The following LOC112694756 variants were observed in gnomAD, a reference collection of about 807,000 sequenced individuals.
chr16:30,053,500 G>GT, the LOC112694756 span: 2 of 152,964 alleles, frequency 1.3e-5, no homozygotes, highest in Non-Finnish European at 2.9e-5. Context: ...CCCCATGGAC[G>GT]TAAGTCCGGG....
the LOC112694756 span, among the ~76,000 whole-genome samples, chr16:30,053,778 A>G: frequency 6.6e-6 from 1 of 152,204 alleles, no homozygotes; most frequent in Non-Finnish European, 1.5e-5. Flanking sequence ...GGGAGGCTGC[A>G]GCATTTGGGG....
the LOC112694756 span, chr16:30,063,755 C>T: frequency 5.0e-6 from 2 of 399,548 alleles, no homozygotes; most frequent in Non-Finnish European, 8.8e-6. Context: ...GCCCCCGCTG[C>T]TGCCCACTCT....
chr16:30,066,943 C>G, the LOC112694756 span: 3 of 1,550,968 alleles, frequency 1.9e-6, no homozygotes, highest in Non-Finnish European at 2.6e-6. Flanking sequence ...CATGACCCAC[C>G]TGTCCATGGC....
the LOC112694756 span, chr16:30,070,121 A>G: frequency 5.0e-6 from 8 of 1,614,022 alleles, no homozygotes; most frequent in Middle Eastern, 3.3e-4. Context: ...GCTTAGGCCA[A>G]CAGCCTTGCC....
chr16:30,069,712 A>T, the LOC112694756 span: 1 of 1,612,520 alleles, frequency 6.2e-7, no homozygotes, highest in South Asian at 1.1e-5. Context: ...TGCAGTAGAT[A>T]AGCTCCACCC....
the LOC112694756 span, chr16:30,064,877 G>A: frequency 5.4e-6 from 1 of 185,438 alleles, no homozygotes; most frequent in Non-Finnish European, 1.1e-5. Context: ...GGGGAGATTT[G>A]GACGATAGGA....
chr16:30,053,797 G>A, the LOC112694756 span, among the ~76,000 whole-genome samples: 1 of 152,172 alleles, frequency 6.6e-6, no homozygotes, highest in African/African-American at 2.4e-5. Flanking sequence ...GGAACTGCTA[G>A]GGCTATCGTG....
At chr16:30,061,431 A>G in the LOC112694756 span, among the ~76,000 whole-genome samples, 2 of 152,000 alleles carry the variant, frequency 1.3e-5, no homozygotes, top group African/African-American at 4.8e-5. Context: ...TGGCAGACCC[A>G]GAGAGAGGCT....
At chr16:30,054,077 T>C in the LOC112694756 span, among the ~76,000 whole-genome samples, 1 of 151,534 alleles carries the variant, frequency 6.6e-6, no homozygotes, top group Admixed American at 6.6e-5. Flanking sequence ...CCCAGCACTT[T>C]GGGAGGCCGA....
chr16:30,062,600 T>C, the LOC112694756 span, among the ~76,000 whole-genome samples: 1 of 151,732 alleles, frequency 6.6e-6, no homozygotes, highest in Non-Finnish European at 1.5e-5. Context: ...CCCAGCACTT[T>C]GGGAGGCCAA....
chr16:30,068,189 C>T, the LOC112694756 span: 5 of 300,304 alleles, frequency 1.7e-5, no homozygotes, highest in East Asian at 9.0e-5. Context: ...CTCAGCCTCC[C>T]GAGTAGCTGG....
the LOC112694756 span, chr16:30,067,816 C>T: frequency 1.2e-6 from 1 of 823,130 alleles, no homozygotes; most frequent in South Asian, 1.5e-5. Flanking sequence ...TTTTAATCCT[C>T]ACAATTCTGA....
the LOC112694756 span, chr16:30,069,355 A>C: frequency 6.2e-7 from 1 of 1,614,168 alleles, no homozygotes; most frequent in East Asian, 2.2e-5. Context: ...GATGGGGACC[A>C]TGACTTGAAG....
chr16:30,062,997 T>C, the LOC112694756 span, among the ~76,000 whole-genome samples: 2 of 151,584 alleles, frequency 1.3e-5, no homozygotes, highest in Non-Finnish European at 2.9e-5. Context: ...ATACAAAAAT[T>C]AGCTGGGTGT....
At chr16:30,064,528 C>G in the LOC112694756 span, 1 of 398,696 alleles carries the variant, frequency 2.5e-6, no homozygotes, top group Non-Finnish European at 4.4e-6. Context: ...GGGCTCCCTC[C>G]CCATCAATAG....
chr16:30,070,318 T>G, the LOC112694756 span: 13 of 1,063,100 alleles, frequency 1.2e-5, no homozygotes, highest in Non-Finnish European at 1.9e-5. Context: ...CCCGCGCTCT[T>G]TCTTCCCTCG....
chr16:30,060,028 G>A, the LOC112694756 span, among the ~76,000 whole-genome samples: 1 of 151,934 alleles, frequency 6.6e-6, no homozygotes, highest in African/African-American at 2.4e-5. Context: ...GCCCAGGCTA[G>A]AGTGCAGTAA....
chr16:30,061,022 G>C, the LOC112694756 span, among the ~76,000 whole-genome samples: 1 of 152,234 alleles, frequency 6.6e-6, no homozygotes, highest in Non-Finnish European at 1.5e-5. Context: ...GTTTCTGATT[G>C]AACTGTACAA....
chr16:30,066,380 T>A, the LOC112694756 span: 2 of 153,128 alleles, frequency 1.3e-5, no homozygotes, highest in Non-Finnish European at 2.9e-5. Flanking sequence ...TTTCCCTGTC[T>A]CTCCTTATCG....
Sources: gnomAD v4.1 joint callset for allele counts (sites outside exome capture counted in the v4.1 genomes callset) on GRCh38, gnomAD v4.1.1 for gene constraint, MANE v1.5 for transcripts.